CTNNBL1: variants seen among roughly 807,000 people sequenced by gnomAD.
CTNNBL1 encodes the protein beta-catenin-like protein 1.
Under a neutral mutation model 72.7 loss-of-function variants are expected in CTNNBL1, and 31 were observed. The ratio of observed to expected loss-of-function variants is 0.43; its 90% confidence interval spans 0.32 to 0.58. The LOEUF (loss-of-function observed/expected upper bound fraction) is 0.58, where lower values mean the gene tolerates loss of function less well. Ranked by LOEUF, CTNNBL1 falls within the 20% of genes least tolerant of loss-of-function variation. CTNNBL1 has a pLI of 0.08. For missense variants in CTNNBL1, 534 were observed against 725.1 expected (o/e 0.74, Z 3.03); for synonymous variants, 240 against 267.3 (o/e 0.90, Z 1.00).
chr20:37,741,632 C>T (rs1444685519), intron 3 of CTNNBL1, among the ~76,000 whole-genome samples: 3 of 152,150 alleles, frequency 2.0e-5, no homozygotes, highest in African/African-American at 7.2e-5. Flanking sequence ...TCTGTTATAT[C>T]CTCAGTGCCT....
At chr20:37,778,247 T>C (rs1415823206) in intron 9 of CTNNBL1, among the ~76,000 whole-genome samples, 2 of 152,194 alleles carry the variant, frequency 1.3e-5, no homozygotes, top group Admixed American at 1.3e-4. Flanking sequence ...TGAAATGTTA[T>C]TCTGCTGGCA....
At chr20:37,796,108 A>G (rs1451326372) in intron 10 of CTNNBL1, among the ~76,000 whole-genome samples, 1 of 152,172 alleles carries the variant, frequency 6.6e-6, no homozygotes, top group East Asian at 1.9e-4. Flanking sequence ...CTGTGAATTA[A>G]TAAGACTTTT....
chr20:37,752,644 A>G (rs1332347082), intron 4 of CTNNBL1, among the ~76,000 whole-genome samples: 5 of 151,910 alleles, frequency 3.3e-5, no homozygotes, highest in Admixed American at 1.3e-4. Flanking sequence ...CCAAGACTCT[A>G]AGTGGGATAT....
intron 1 of CTNNBL1, among the ~76,000 whole-genome samples, chr20:37,730,146 G>A (rs1488705532): frequency 6.6e-6 from 1 of 152,166 alleles, no homozygotes; most frequent in Non-Finnish European, 1.5e-5. Context: ...GCAGAGTACT[G>A]TTCAATACAA....
chr20:37,816,909 A>G (rs1202780130), intron 11 of CTNNBL1, among the ~76,000 whole-genome samples: 5 of 152,174 alleles, frequency 3.3e-5, no homozygotes, highest in Non-Finnish European at 5.9e-5. Flanking sequence ...AGCCTAGTTA[A>G]CTGGGTGATT....
intron 1 of CTNNBL1, among the ~76,000 whole-genome samples, chr20:37,713,172 CA>C (rs2072953775): frequency 6.6e-6 from 1 of 152,166 alleles, no homozygotes; most frequent in Admixed American, 6.5e-5. Flanking sequence ...TGCAAGGACA[CA>C]GAAGGCTCAG....
chr20:37,779,481 G>A, intron 10 of CTNNBL1, 146 bp downstream of exon 10: 3 of 843,518 alleles, frequency 3.6e-6, no homozygotes, highest in Non-Finnish European at 3.8e-6. Flanking sequence ...GGCATGGGGG[G>A]ATGTGTTTGT....
At chr20:37,786,932 A>G (rs954420842) in intron 10 of CTNNBL1, among the ~76,000 whole-genome samples, 3 of 152,324 alleles carry the variant, frequency 2.0e-5, no homozygotes, top group African/African-American at 7.2e-5. Flanking sequence ...GGTAGTTTTT[A>G]TAAATATTCC....
chr20:37,716,480 A>T (rs79851644), intron 1 of CTNNBL1, among the ~76,000 whole-genome samples: 7,328 of 152,240 alleles, frequency 0.048, 250 homozygotes, highest in Non-Finnish European at 0.069. Context: ...TGTCTTATCT[A>T]AGAATAACTC....
At chr20:37,709,426 T>C (rs1345644444) in intron 1 of CTNNBL1, among the ~76,000 whole-genome samples, 2 of 152,222 alleles carry the variant, frequency 1.3e-5, no homozygotes, top group Admixed American at 1.3e-4. Flanking sequence ...AGTTAAACAT[T>C]AGCAGCACAC....
At chr20:37,851,763 C>T (rs927703957) in intron 13 of CTNNBL1, among the ~76,000 whole-genome samples, 1 of 152,168 alleles carries the variant, frequency 6.6e-6, no homozygotes, top group African/African-American at 2.4e-5. Flanking sequence ...ATGAGAAATC[C>T]GTGAAAGTGC....
At chr20:37,698,632 T>C (rs1158411318) in intron 1 of CTNNBL1, among the ~76,000 whole-genome samples, 2 of 152,214 alleles carry the variant, frequency 1.3e-5, no homozygotes, top group Non-Finnish European at 2.9e-5. Flanking sequence ...GTTCATTCAG[T>C]TTTCTTTTTG....
chr20:37,826,498 A>C (rs1423922853), intron 11 of CTNNBL1, among the ~76,000 whole-genome samples: 1 of 152,234 alleles, frequency 6.6e-6, no homozygotes, highest in East Asian at 1.9e-4. Context: ...GACCTATTTC[A>C]ATGGAAAAGG....
intron 7 of CTNNBL1, among the ~76,000 whole-genome samples, chr20:37,774,499 T>C (rs2073556742): frequency 6.6e-6 from 1 of 152,204 alleles, no homozygotes; most frequent in South Asian, 2.1e-4. Context: ...GATTCTTCCT[T>C]CATGCCAATT....
chr20:37,713,586 G>A (rs1355656366), intron 1 of CTNNBL1, among the ~76,000 whole-genome samples: 2 of 152,198 alleles, frequency 1.3e-5, no homozygotes, highest in African/African-American at 4.8e-5. Context: ...CCAAGCCTAG[G>A]CAGATAATAT....
At chr20:37,784,273 G>A (rs1307657562) in intron 10 of CTNNBL1, among the ~76,000 whole-genome samples, 2 of 152,072 alleles carry the variant, frequency 1.3e-5, no homozygotes, top group Non-Finnish European at 2.9e-5. Flanking sequence ...GTAGGCAATG[G>A]ATTGTTGAGT....
intron 1 of CTNNBL1, among the ~76,000 whole-genome samples, chr20:37,730,697 C>T (rs1211812351): frequency 6.6e-6 from 1 of 152,210 alleles, no homozygotes; most frequent in Admixed American, 6.5e-5. Context: ...GCAAAATGAG[C>T]TGGCTGCAGT....
chr20:37,817,085 T>A (rs2122763572), intron 11 of CTNNBL1, among the ~76,000 whole-genome samples: 1 of 152,350 alleles, frequency 6.6e-6, no homozygotes, highest in East Asian at 1.9e-4. Context: ...GCTTTATTAC[T>A]GAGAGAACAG....
intron 1 of CTNNBL1, among the ~76,000 whole-genome samples, chr20:37,723,133 A>G (rs747922278): frequency 6.6e-6 from 1 of 152,262 alleles, no homozygotes; most frequent in Non-Finnish European, 1.5e-5. Flanking sequence ...ACATTAAAGT[A>G]TAGTTTGTAC....
Sources: gnomAD v4.1 joint callset for allele counts (sites outside exome capture counted in the v4.1 genomes callset) on GRCh38, gnomAD v4.1.1 for gene constraint, MANE v1.5 for transcripts, NCBI Gene and HGNC (gene_info 2026-07-23, HGNC 2026-07-21) for gene names.